WWTR1: variants seen among roughly 807,000 people sequenced by gnomAD.
The protein encoded by WWTR1 is WW domain-containing transcription regulator protein 1.
In WWTR1, 13 loss-of-function variants were observed where a neutral mutation model predicts 40.1. The observed-to-expected ratio is 0.32, with a 90% CI of 0.21 to 0.52. WWTR1 has a LOEUF of 0.52. Among genes scored for constraint, WWTR1 ranks in the 20% least tolerant of loss-of-function variants. The pLI, the probability that WWTR1 is intolerant of heterozygous loss-of-function variation, is 0.97. For synonymous variants in WWTR1, 230 were observed against 210.1 expected (o/e 1.09, Z -0.82); for missense variants, 436 against 523.1 (o/e 0.83, Z 1.63).
At chr3:149,635,853 A>G (rs893801638) in intron 2 of WWTR1, among the ~76,000 whole-genome samples, 1 of 152,218 alleles carries the variant, frequency 6.6e-6, no homozygotes, top group Non-Finnish European at 1.5e-5. Context: ...AAAAAAAGGC[A>G]ATGTTGAATA....
intron 2 of WWTR1, among the ~76,000 whole-genome samples, chr3:149,626,323 T>C (rs1740542759): frequency 6.6e-6 from 1 of 152,160 alleles, no homozygotes. Context: ...TAATGCAACA[T>C]GCAGCAGCAG....
chr3:149,694,255 A>G (rs964476180), intron 1 of WWTR1, among the ~76,000 whole-genome samples: 1 of 152,122 alleles, frequency 6.6e-6, no homozygotes, highest in East Asian at 1.9e-4. Flanking sequence ...TTAGCTGGGC[A>G]TGGTGGCAGG....
At position 149,623,755 on chromosome 3, in the gene WWTR1, T is replaced by C. The variant is rs117191922; in HGVS notation, c.431+33121A>G. Among the ~76,000 whole-genome samples, 181 of 152,294 alleles carry C rather than the reference T, an allele frequency of 1.2e-3. 2 individuals carry two copies. The highest frequency in any genetic ancestry group is 9.6e-3 in the East Asian group (50 of 5,182). ...TGACCGTGTAGAGAAGATACAATCCTGATAAGCAAACTAGAGGGCTACTAT... is the reference window on the plus strand; with the variant it reads ...TGACCGTGTAGAGAAGATACAATCCCGATAAGCAAACTAGAGGGCTACTAT... On this transcript the variant is annotated intron_variant, in intron 2 of 6. Transcript: ENST00000360632.
At chr3:149,593,196 G>T (rs1738817247) in intron 2 of WWTR1, among the ~76,000 whole-genome samples, 1 of 152,188 alleles carries the variant, frequency 6.6e-6, no homozygotes, top group Non-Finnish European at 1.5e-5. Flanking sequence ...ACTACCAGTG[G>T]CAGAGCCCCA....
chr3:149,656,754 ATCTCTCTCTTTCTCTC>A (rs796912399), intron 2 of WWTR1, 106 bp downstream of exon 2: 9,531 of 767,114 alleles, frequency 0.012, 80 homozygotes, highest in East Asian at 0.097. Flanking sequence ...GACACGCACC[ATCTCTCTCTTTCTCTC>A]TCTCTCTCTC....
intron 3 of WWTR1, among the ~76,000 whole-genome samples, chr3:149,566,812 GA>G (rs1166961307): frequency 0.026 from 2,782 of 108,990 alleles, 68 homozygotes; most frequent in African/African-American, 0.072. Flanking sequence ...GCCCTGAAAA[GA>G]AAAAAAAAAA....
At chr3:149,691,215 A>G (rs1303624276) in intron 1 of WWTR1, among the ~76,000 whole-genome samples, 1 of 152,020 alleles carries the variant, frequency 6.6e-6, no homozygotes, top group Non-Finnish European at 1.5e-5. Context: ...ATCAAGAAAG[A>G]GGAAAAACTT....
At chr3:149,672,749 A>G (rs1714135754) in intron 1 of WWTR1, among the ~76,000 whole-genome samples, 1 of 151,314 alleles carries the variant, frequency 6.6e-6, no homozygotes, top group South Asian at 2.1e-4. Context: ...AAAGATATAT[A>G]AGAGGATGGA....
chr3:149,689,760 A>G (rs1234273266), intron 1 of WWTR1, among the ~76,000 whole-genome samples: 2 of 152,192 alleles, frequency 1.3e-5, no homozygotes, highest in South Asian at 4.1e-4. Context: ...GCAATAAGAA[A>G]TCATCTGAAC....
intron 2 of WWTR1, among the ~76,000 whole-genome samples, chr3:149,667,486 T>G (rs1027157623): frequency 6.6e-6 from 1 of 150,904 alleles, no homozygotes; most frequent in Non-Finnish European, 1.5e-5. Flanking sequence ...AGGTGGAGCT[T>G]GCAGTGAGCT....
chr3:149,692,486 G>A (rs1405187042), intron 1 of WWTR1, among the ~76,000 whole-genome samples: 2 of 152,120 alleles, frequency 1.3e-5, no homozygotes, highest in African/African-American at 4.8e-5. Context: ...TGGGTAATGT[G>A]TTGAGGAATA....
chr3:149,637,148 T>C (rs1209985246), intron 2 of WWTR1, among the ~76,000 whole-genome samples: 2 of 152,082 alleles, frequency 1.3e-5, no homozygotes, highest in African/African-American at 2.4e-5. Context: ...CTTGCTATAT[T>C]ATTACATCTA....
rs1386424321 is a variant in WWTR1 at position 149,608,844 on chromosome 3, G to A, written c.432-35844C>T. ...AAAGCAGGAGGACTGCTTGAGCCCA[G>A]GAGTTTGAGACCAGCCTGGGCAACA... On this transcript the variant is annotated intron_variant, in intron 2 of 6. Transcript: ENST00000360632. 2.0e-5 allele frequency among the ~76,000 whole-genome samples: 3 copies of A among 152,084 alleles called. No individual in the cohort carries two copies. The East Asian group carries it at 5.8e-4, about 29-fold the overall frequency.
At chr3:149,651,077 T>C (rs1412919353) in intron 2 of WWTR1, among the ~76,000 whole-genome samples, 3 of 152,130 alleles carry the variant, frequency 2.0e-5, no homozygotes, top group Admixed American at 1.3e-4. Context: ...CAAACCACAA[T>C]GCAACAGGTA....
chr3:149,622,498 G>GAAAGAAAGAAAGAAAGAAAGAAAGA (rs1560089724), intron 2 of WWTR1, among the ~76,000 whole-genome samples: 3 of 51,022 alleles, frequency 5.9e-5, no homozygotes, highest in East Asian at 4.8e-4. Context: ...AGGAAGGAAG[G>GAAAGAAAGAAAGAAAGAAAGAAAGA]AAGGAAGAAA....
Position 149,520,853 on chromosome 3 carries a change from A to G in WWTR1, c.1155T>C (p.Asp385=). 1.2e-6 allele frequency: 2 copies of G among 1,613,208 alleles called. No homozygotes were observed. The highest frequency in any genetic ancestry group is 1.1e-5 in the South Asian group (1 of 90,798). Residue 385 remains aspartate, a synonymous_variant, in exon 7 of 7, where the codon GAT becomes GAC. Coordinates refer to ENST00000360632, the MANE Select transcript of WWTR1 (RefSeq NM_015472.6). The stretch of plus-strand genomic sequence containing the variant: ...CACTTTTGTTCAGAGCAGACTCTAC[A>G]TCATTGAAGAGGGGGATCAGGTCTT... The part of the protein sequence containing the change: ...ESEDLIPLFN[D]VESALNKSEP...
chr3:149,548,110 T>G (rs180785113), intron 3 of WWTR1, among the ~76,000 whole-genome samples: 4 of 152,130 alleles, frequency 2.6e-5, no homozygotes, highest in Admixed American at 6.5e-5. Flanking sequence ...TAGTGCTGCC[T>G]GGGGCAATAT....
chr3:149,574,177 C>T (rs1737774218), intron 2 of WWTR1, among the ~76,000 whole-genome samples: 1 of 151,960 alleles, frequency 6.6e-6, no homozygotes, highest in African/African-American at 2.4e-5. Context: ...ACCACAGGCA[C>T]CTGCGACCAC....
rs1385323120 is a variant in WWTR1 at position 149,562,647 on chromosome 3, A to AC, written c.568+10216_568+10217insG. Among the ~76,000 whole-genome samples, 253 of 124,398 alleles carry AC rather than the reference A, an allele frequency of 2.0e-3. 4 individuals are homozygous for AC. Among genetic ancestry groups the AC allele is most frequent in the African/African-American group, 6.1e-3 (207 of 33,940 alleles). 81.6% of individuals were successfully genotyped at this position (124,398 alleles called of 152,430 possible). Reference sequence around the variant, plus strand: ...CACACACACACACACACACACACACAAAGGGGGAGGGGTGATCTTCTTTTT... The same window carrying AC: ...CACACACACACACACACACACACACACAAGGGGGAGGGGTGATCTTCTTTTT... On this transcript the variant is annotated intron_variant, in intron 3 of 6. Transcript: ENST00000360632.
Sources: allele counts gnomAD v4.1 joint callset (sites outside exome capture counted in the v4.1 genomes callset), GRCh38; gene constraint gnomAD v4.1.1; transcripts MANE v1.5; gene names NCBI Gene and HGNC (gene_info 2026-07-23, HGNC 2026-07-21).